The following THUMPD2 variants were observed in gnomAD, a reference collection of about 807,000 sequenced individuals.
The protein encoded by THUMPD2 is U6 snRNA (guanine-N(2))-methyltransferase THUMPD2.
In THUMPD2, 56 loss-of-function variants were observed where a neutral mutation model predicts 49.4. The ratio of observed to expected loss-of-function variants is 1.13; its 90% CI spans 0.91 to 1.41. The LOEUF (loss-of-function observed/expected upper bound fraction) is 1.41. Ranked by LOEUF, THUMPD2 falls within the 40% of genes most tolerant of loss-of-function variation. The pLI, the probability that THUMPD2 is intolerant of heterozygous loss-of-function variation, is 0.00. For synonymous variants in THUMPD2, 237 were observed against 205.2 expected, an observed-to-expected ratio of 1.15 and a Z score of -1.32; for missense variants, 709 against 594.5, an observed-to-expected ratio of 1.19 and a Z score of -2.00.
intron 5 of THUMPD2, 117 bp downstream of exon 5, chr2:39,765,940 C>T: frequency 2.5e-6 from 2 of 806,578 alleles, no homozygotes; most frequent in East Asian, 2.9e-5. Context: ...AATTCAAATG[C>T]TTTGCCTTTA....
At chr2:39,751,013 C>A (rs774106118) in intron 8 of THUMPD2, among the ~76,000 whole-genome samples, 2 of 152,214 alleles carry the variant, frequency 1.3e-5, no homozygotes, top group Non-Finnish European at 2.9e-5. Context: ...AATGATAAAG[C>A]TTTAGCAGCA....
rs1442714962 is a variant in THUMPD2, at chr2:39,736,449, T to C, written c.*286A>G. On this transcript the variant is annotated 3_prime_UTR_variant, in exon 10 of 10. Coordinates refer to ENST00000505747, the MANE Select transcript of THUMPD2 (RefSeq NM_025264.5). Reference sequence around the variant, plus strand: ...ACCCCTGAAAACCTTTATTTTGAAATTGAAGTTTTTGCTCAGAAACTGGGC... The same window carrying C: ...ACCCCTGAAAACCTTTATTTTGAAACTGAAGTTTTTGCTCAGAAACTGGGC... The C allele has an allele frequency of 7.5e-6, 2 of 268,238 alleles. No homozygotes were observed. Among genetic ancestry groups the C allele is most frequent in the South Asian group, 1.1e-4 (1 of 8,706 alleles). 16.6% of individuals were successfully genotyped at this position (268,238 alleles called of 1,614,324 possible).
intron 8 of THUMPD2, among the ~76,000 whole-genome samples, chr2:39,754,053 T>C (rs1477259474): frequency 6.6e-6 from 1 of 152,188 alleles, no homozygotes; most frequent in African/African-American, 2.4e-5. Context: ...AAAGTGAAGC[T>C]GGGAGTGCAA....
rs1299436217 is a variant in THUMPD2, at chr2:39,755,873, A to G, written c.963+16T>C. 4 of 1,612,918 alleles carry G rather than the reference A, an allele frequency of 2.5e-6. No individual in the cohort carries two copies. Among genetic ancestry groups the G allele is most frequent in the East Asian group, 2.2e-5 (1 of 44,792 alleles). ...AAGTAGATAAATTGCTTGCTTTACC[A>G]AACTTTAGAACTTACTGGCCATTCT... is the stretch of plus-strand genomic sequence containing the variant. On this transcript the variant is annotated intron_variant, in intron 7 of 9. Transcript: ENST00000505747.
intron 8 of THUMPD2, among the ~76,000 whole-genome samples, chr2:39,754,606 G>T (rs6747842): frequency 0.62 from 94,776 of 152,030 alleles, 29,977 homozygotes; most frequent in East Asian, 0.76. Flanking sequence ...GACATATACT[G>T]GGGGAATAAG....
In THUMPD2 at chr2:39,779,211, G is replaced by A; in HGVS notation, c.29C>T (p.Ser10Phe). ...GAATCGGGCGCCAGCCTCAGGCCCG[G>A]ACCCTGGCTCTCCACGCGCCTCCGA... MSEARGEPG[S>F]GPEAGARFFC... The change falls in exon 1 of 10, where the codon TCC (serine) becomes TTC (phenylalanine). Residue 10 changes from serine (S) to phenylalanine (F), a missense_variant. Physicochemically the swap from Ser to Phe is radical, Grantham distance 155. Coordinates refer to ENST00000505747, the MANE Select transcript of THUMPD2 (RefSeq NM_025264.5). 1 of 1,506,518 alleles carries A rather than the reference G, an allele frequency of 6.6e-7. No individual in the cohort carries two copies. The highest frequency in any genetic ancestry group is 1.2e-5 in the South Asian group (1 of 80,642). 93.3% of individuals were successfully genotyped at this position (1,506,518 alleles called of 1,614,324 possible).
intron 1 of THUMPD2, among the ~76,000 whole-genome samples, chr2:39,776,638 G>C (rs993416143): frequency 6.6e-6 from 1 of 152,008 alleles, no homozygotes; most frequent in Admixed American, 6.6e-5. Context: ...TAATCTGCCC[G>C]GCTTGGCCTC....
At chr2:39,746,878 C>T (rs1316856727) in intron 8 of THUMPD2, among the ~76,000 whole-genome samples, 1 of 150,586 alleles carries the variant, frequency 6.6e-6, no homozygotes, top group Non-Finnish European at 1.5e-5. Context: ...TATTTTTGTT[C>T]CTTGTTCTTT....
At chr2:39,747,851 TTTAA>T (rs1475753596) in intron 8 of THUMPD2, among the ~76,000 whole-genome samples, 1 of 152,206 alleles carries the variant, frequency 6.6e-6, no homozygotes, top group African/African-American at 2.4e-5. Context: ...CTATTATTCT[TTTAA>T]TTGTTTTACC....
chr2:39,773,756 T>C (rs1369899150), intron 1 of THUMPD2, among the ~76,000 whole-genome samples: 6 of 151,768 alleles, frequency 4.0e-5, no homozygotes, highest in Admixed American at 3.9e-4. Context: ...ATTGGTGCAG[T>C]AAAATGCCAA....
chr2:39,766,920 A>G (rs989107405), intron 4 of THUMPD2, among the ~76,000 whole-genome samples: 5 of 152,234 alleles, frequency 3.3e-5, no homozygotes, highest in African/African-American at 9.6e-5. Context: ...CCAATTTTAC[A>G]TATTATGCAT....
intron 8 of THUMPD2, among the ~76,000 whole-genome samples, chr2:39,748,894 A>C: frequency 6.6e-6 from 1 of 151,880 alleles, no homozygotes; most frequent in African/African-American, 2.4e-5. Context: ...AGATGGGAGG[A>C]CTGCTTGAGC....
chr2:39,753,792 C>T (rs972234127), intron 8 of THUMPD2, among the ~76,000 whole-genome samples: 2 of 152,118 alleles, frequency 1.3e-5, no homozygotes, highest in African/African-American at 4.8e-5. Context: ...CCTTGAATAC[C>T]ACCTTGGGCC....
At position 39,761,412 on chromosome 2, in the gene THUMPD2, G is replaced by T; in HGVS notation, c.810C>A (p.Ser270=). The T allele has an allele frequency of 6.2e-7, 1 of 1,613,440 alleles. No homozygotes were observed. The highest frequency in any genetic ancestry group is 8.5e-7 in the Non-Finnish European group (1 of 1,179,594). The change falls in exon 6 of 10, where the codon TCC becomes TCA. Residue 270 remains serine (S), a synonymous_variant. Coordinates refer to ENST00000505747, the MANE Select transcript of THUMPD2 (RefSeq NM_025264.5). ...TCTTGATGTAAGCTCTGCTGGCTAG[G>T]GAAACCCTACAAAGGATAGAATCTG... ...SVVGIPVFRV[S]LASRAYIKTA...
In THUMPD2 at chr2:39,778,235, T is replaced by C. The variant is rs189194013; in HGVS notation, c.126+879A>G. ...TAAATGTTCAATAAATGTCAGTAGT[T>C]ATTATATATTGATGCTTTTTAAGAT... is the stretch of plus-strand genomic sequence containing the variant. On this transcript the variant is annotated intron_variant, in intron 1 of 9. Transcript: ENST00000505747. Among the ~76,000 whole-genome samples, 3 of 152,366 alleles carry C rather than the reference T, an allele frequency of 2.0e-5. No homozygotes were observed. The East Asian group carries it at 5.8e-4, about 29-fold the overall frequency.
chr2:39,737,039 G>A lies in THUMPD2; in HGVS notation c.1208C>T (p.Thr403Ile), dbSNP rs1164983080. 3.7e-6 allele frequency: 6 copies of A among 1,608,088 alleles called. No homozygotes were observed. The highest frequency in any genetic ancestry group is 2.7e-5 in the African/African-American group (2 of 74,604). Residue 403 changes from threonine to isoleucine, a missense_variant, in exon 10 of 10, where the codon ACC becomes ATC. Thr to Ile is a moderately conservative substitution (Grantham distance 89). Coordinates refer to ENST00000505747, the MANE Select transcript of THUMPD2 (RefSeq NM_025264.5). ...EMERVLHVGG[T>I]IVLLLSEDHH... ...ATCTTCACTAAGCAACAATACAATG[G>A]TTCCGCCAACATGAAGCACTCTGTG...
chr2:39,758,944 A>G (rs1676472634), intron 6 of THUMPD2, among the ~76,000 whole-genome samples: 1 of 152,240 alleles, frequency 6.6e-6, no homozygotes, highest in Non-Finnish European at 1.5e-5. Flanking sequence ...AATGTGACAC[A>G]CATACCTTTT....
chr2:39,751,838 T>C (rs953019550), intron 8 of THUMPD2, among the ~76,000 whole-genome samples: 3 of 152,050 alleles, frequency 2.0e-5, no homozygotes, highest in African/African-American at 7.2e-5. Context: ...CCACTACGCC[T>C]GGCTAATTTT....
At chr2:39,772,425 G>A (rs1187004894) in intron 1 of THUMPD2, among the ~76,000 whole-genome samples, 1 of 152,206 alleles carries the variant, frequency 6.6e-6, no homozygotes, top group African/African-American at 2.4e-5. Flanking sequence ...ATAAAGGACT[G>A]AGTGTAGAAT....
Sources: gnomAD v4.1 joint callset for allele counts (sites outside exome capture counted in the v4.1 genomes callset) on GRCh38, gnomAD v4.1.1 for gene constraint, MANE v1.5 for transcripts, NCBI Gene and HGNC (gene_info 2026-07-23, HGNC 2026-07-21) for gene names.